PTPRO: variants seen among roughly 807,000 people sequenced by gnomAD.
PTPRO encodes the protein receptor-type tyrosine-protein phosphatase O.
In PTPRO, 62 loss-of-function variants were observed where a neutral mutation model predicts 145.2. The ratio of observed to expected loss-of-function variants is 0.43; its 90% CI spans 0.35 to 0.53. The LOEUF (loss-of-function observed/expected upper bound fraction) is 0.53. Ranked by LOEUF, PTPRO falls within the 20% of genes least tolerant of loss-of-function variation. PTPRO has a pLI of 0.01. For missense variants in PTPRO, 1,345 were observed against 1,482.7 expected (o/e 0.91, Z 1.53); for synonymous variants, 565 against 514.7 (o/e 1.10, Z -1.32).
At chr12:15,545,187 A>G (rs1158023104) in intron 12 of PTPRO, among the ~76,000 whole-genome samples, 4 of 152,016 alleles carry the variant, frequency 2.6e-5, no homozygotes, top group African/African-American at 9.7e-5. Context: ...AAGCACCTCT[A>G]AAGGACAGGA....
In PTPRO at chr12:15,560,877, C is replaced by A. The variant is rs1221124483; in HGVS notation, c.2711+601C>A. Among the ~76,000 whole-genome samples, 6 of 152,074 alleles carry A rather than the reference C, an allele frequency of 3.9e-5. No individual in the cohort carries two copies. The South Asian group carries it at 1.2e-3, about 31-fold the overall frequency. On this transcript the variant is annotated intron_variant, in intron 17 of 26. Coordinates refer to ENST00000281171, the MANE Select transcript of PTPRO (RefSeq NM_030667.3). ...AGCACATTCCACTATGTACAGAATC[C>A]AGGTTCCAAACTCAGGTCTCTCTGA...
chr12:15,577,685 A>C (rs961064548), intron 19 of PTPRO, among the ~76,000 whole-genome samples: 2 of 152,222 alleles, frequency 1.3e-5, no homozygotes, highest in African/African-American at 2.4e-5. Flanking sequence ...GTCTTATAGA[A>C]AGATGCACAC....
At chr12:15,444,500 G>GA (rs972028089) in intron 1 of PTPRO, among the ~76,000 whole-genome samples, 9 of 150,470 alleles carry the variant, frequency 6.0e-5, no homozygotes, top group East Asian at 3.9e-4. Flanking sequence ...AATTGAAAAA[G>GA]AAAAAAAAAG....
intron 23 of PTPRO, among the ~76,000 whole-genome samples, chr12:15,584,609 G>C (rs1341320996): frequency 6.6e-6 from 1 of 152,164 alleles, no homozygotes; most frequent in Non-Finnish European, 1.5e-5. Context: ...GAATTTACTT[G>C]TTACAAGCGT....
intron 1 of PTPRO, among the ~76,000 whole-genome samples, chr12:15,435,146 G>T (rs1940560037): frequency 6.6e-6 from 1 of 152,094 alleles, no homozygotes; most frequent in Non-Finnish European, 1.5e-5. Flanking sequence ...ATAAAGTGTG[G>T]GCAAGAGGCT....
chr12:15,511,668 C>T (rs566914116), intron 7 of PTPRO, among the ~76,000 whole-genome samples: 7 of 152,226 alleles, frequency 4.6e-5, no homozygotes, highest in Non-Finnish European at 1.0e-4. Flanking sequence ...TGGGTTCAAG[C>T]GATTCTCCTG....
chr12:15,589,492 G>T lies in PTPRO; in HGVS notation c.3448G>T (p.Asp1150Tyr). ...ACGGACAGGAACATTCATTGCCCTG[G>T]ACAGGCTCTTGCAGCACATTCGGGA... ...VGRTGTFIAL[D>Y]RLLQHIRDHE... Residue 1150 changes from aspartate (D) to tyrosine (Y), a missense_variant, in exon 25 of 27, where the codon GAC becomes TAC. Physicochemically the swap from Asp to Tyr is radical, Grantham distance 160. Coordinates refer to ENST00000281171, the MANE Select transcript of PTPRO (RefSeq NM_030667.3). The T allele has an allele frequency of 6.2e-7, 1 of 1,614,148 alleles. No individual in the cohort carries two copies. Among genetic ancestry groups the T allele is most frequent in the Non-Finnish European group, 8.5e-7 (1 of 1,180,016 alleles).
At chr12:15,386,624 T>C (rs1939036985) in intron 1 of PTPRO, among the ~76,000 whole-genome samples, 1 of 152,152 alleles carries the variant, frequency 6.6e-6, no homozygotes, top group Admixed American at 6.5e-5. Flanking sequence ...TATATGCATA[T>C]TGGATTGAAG....
chr12:15,396,358 G>A (rs983069170), intron 1 of PTPRO, among the ~76,000 whole-genome samples: 3 of 151,896 alleles, frequency 2.0e-5, no homozygotes, highest in African/African-American at 7.3e-5. Flanking sequence ...TTAAATGTTG[G>A]AAAATAATTA....
At chr12:15,512,167 TGCAGTG>T (rs1446178474) in intron 7 of PTPRO, among the ~76,000 whole-genome samples, 1 of 151,946 alleles carries the variant, frequency 6.6e-6, no homozygotes, top group Non-Finnish European at 1.5e-5. Context: ...CAGGCTGGAG[TGCAGTG>T]GCGTAATCTC....
chr12:15,420,517 C>T (rs1297382458), intron 1 of PTPRO, among the ~76,000 whole-genome samples: 1 of 151,676 alleles, frequency 6.6e-6, no homozygotes, highest in South Asian at 2.1e-4. Context: ...TGTTCCTTCC[C>T]GTCTTACCAC....
intron 12 of PTPRO, among the ~76,000 whole-genome samples, chr12:15,542,454 A>C (rs562609437): frequency 6.6e-6 from 1 of 152,228 alleles, no homozygotes; most frequent in Non-Finnish European, 1.5e-5. Context: ...AGTTTGATCT[A>C]AACCATCTTA....
rs368334371 is a variant in PTPRO, at chr12:15,516,954, G to A, written c.1777G>A (p.Val593Met). 2.2e-4 allele frequency: 357 copies of A among 1,611,910 alleles called. 4 individuals are homozygous for A. The South Asian group carries it at 3.5e-3, about 16-fold the overall frequency. Residue 593 changes from valine to methionine, a missense_variant and splice_region_variant, in exon 9 of 27, where the codon GTG becomes ATG. Transcript: ENST00000281171. The stretch of plus-strand genomic sequence containing the variant: ...AGCAACTGTTTCCTTAACTGCATCC[G>A]TGGTAATCTTCCCTTAACCAACTGT... The part of the protein sequence containing the change: ...IAATVSLTAS[V>M]RIANLLPAWY...
chr12:15,455,994 T>A (rs1941167653), intron 1 of PTPRO, among the ~76,000 whole-genome samples: 1 of 152,172 alleles, frequency 6.6e-6, no homozygotes, highest in African/African-American at 2.4e-5. Flanking sequence ...ATCCCAGAAC[T>A]TAAAACATAA....
At chr12:15,398,688 C>G (rs1167280983) in intron 1 of PTPRO, among the ~76,000 whole-genome samples, 1 of 142,314 alleles carries the variant, frequency 7.0e-6, no homozygotes, top group Admixed American at 6.9e-5. Context: ...TTTACAGAAA[C>G]TCTTTTTTTT....
chr12:15,328,775 C>T (rs1866522564), intron 1 of PTPRO, among the ~76,000 whole-genome samples: 1 of 152,082 alleles, frequency 6.6e-6, no homozygotes. Flanking sequence ...TGGTTTTTCA[C>T]TCTTTATAAA....
intron 1 of PTPRO, among the ~76,000 whole-genome samples, chr12:15,365,985 G>A (rs758359597): frequency 6.6e-6 from 1 of 152,166 alleles, no homozygotes; most frequent in Admixed American, 6.6e-5. Flanking sequence ...CTAATTGACA[G>A]AGTGTAGAAT....
At chr12:15,584,591 T>C (rs142040494) in intron 23 of PTPRO, among the ~76,000 whole-genome samples, 15 of 152,324 alleles carry the variant, frequency 9.8e-5, no homozygotes, top group Admixed American at 9.8e-4. Context: ...GTAGTGTTTG[T>C]TTGTAAGGAA....
chr12:15,378,804 A>C (rs1260942657), intron 1 of PTPRO, among the ~76,000 whole-genome samples: 3 of 152,194 alleles, frequency 2.0e-5, no homozygotes, highest in Non-Finnish European at 4.4e-5. Flanking sequence ...TCTGAGAAAG[A>C]ATCTGTATCT....
Sources: allele counts gnomAD v4.1 joint callset (sites outside exome capture counted in the v4.1 genomes callset), GRCh38; gene constraint gnomAD v4.1.1; transcripts MANE v1.5; gene names NCBI Gene and HGNC (gene_info 2026-07-23, HGNC 2026-07-21).